Variants in AGBL1 observed in about 807,000 individuals in gnomAD.
AGBL1 encodes AGBL carboxypeptidase 1.
Under a neutral mutation model 118.9 loss-of-function variants are expected in AGBL1, and 130 were observed. The observed-to-expected ratio is 1.09, with a 90% CI of 0.95 to 1.26. The LOEUF is 1.26. AGBL1 is among the 50% of genes most tolerant of loss of function. The probability of loss-of-function intolerance (pLI) is 0.00; values close to 1 mark genes in which losing one functional copy is unlikely to be tolerated. For synonymous variants in AGBL1, 555 were observed against 478.9 expected (o/e 1.16, Z -2.08); for missense variants, 1,584 against 1,298.1 (o/e 1.22, Z -3.38).
chr15:86,366,417 T>C (rs552705491), intron 17 of AGBL1, among the ~76,000 whole-genome samples: 20 of 152,298 alleles, frequency 1.3e-4, no homozygotes, highest in Admixed American at 8.5e-4. Flanking sequence ...GCTGATCCTA[T>C]TTTTAATCCT....
chr15:86,872,743 G>A (rs1361303335), intron 22 of AGBL1, among the ~76,000 whole-genome samples: 3 of 152,176 alleles, frequency 2.0e-5, no homozygotes, highest in Admixed American at 1.3e-4. Context: ...GCGACAGAGT[G>A]AGACTCCGTC....
upstream of AGBL1, chr15:86,079,670 C>A: frequency 3.8e-6 from 1 of 266,182 alleles, no homozygotes; most frequent in East Asian, 6.3e-5. Context: ...TTGCTCTGCT[C>A]CTGCATGGGC....
rs554493471 is a variant in AGBL1 at position 86,464,556 on chromosome 15, G to T, written c.2556-58254G>T. Reference sequence around the variant, plus strand: ...AATGCTTCCAGCTTTTGCCCATTCAGTATGATATTGGCTGTGGGTTTGTCA... The same window carrying T: ...AATGCTTCCAGCTTTTGCCCATTCATTATGATATTGGCTGTGGGTTTGTCA... On this transcript the variant is annotated intron_variant, in intron 18 of 22. Coordinates refer to ENST00000614907, the MANE Select transcript of AGBL1 (RefSeq NM_001386094.1). 3.9e-5 allele frequency among the ~76,000 whole-genome samples: 6 copies of T among 152,266 alleles called. 1 individual carries two copies. The South Asian group carries it at 1.2e-3, about 32-fold the overall frequency.
chr15:86,696,354 A>G (rs1367789952), intron 22 of AGBL1, among the ~76,000 whole-genome samples: 1 of 151,800 alleles, frequency 6.6e-6, no homozygotes, highest in Non-Finnish European at 1.5e-5. Context: ...GTCTTTTTAA[A>G]CTGCTGTTGC....
chr15:86,666,708 C>G (rs2085651264), intron 21 of AGBL1, among the ~76,000 whole-genome samples: 1 of 152,084 alleles, frequency 6.6e-6, no homozygotes, highest in Non-Finnish European at 1.5e-5. Flanking sequence ...ATGCAGTGGA[C>G]CAACTACTGA....
At chr15:86,623,926 C>T (rs1328004117) in intron 21 of AGBL1, among the ~76,000 whole-genome samples, 2 of 152,242 alleles carry the variant, frequency 1.3e-5, no homozygotes, top group Admixed American at 1.3e-4. Flanking sequence ...CAATCTCATT[C>T]TAGTCTGACA....
At chr15:86,871,909 C>T (rs1231400837) in intron 22 of AGBL1, among the ~76,000 whole-genome samples, 1 of 152,212 alleles carries the variant, frequency 6.6e-6, no homozygotes, top group African/African-American at 2.4e-5. Flanking sequence ...TCACTTGACA[C>T]ATTTAGCTTT....
intron 22 of AGBL1, among the ~76,000 whole-genome samples, chr15:86,814,536 C>T (rs1024987485): frequency 6.6e-6 from 1 of 152,180 alleles, no homozygotes; most frequent in Non-Finnish European, 1.5e-5. Context: ...CACAGAAACA[C>T]ATTCTCTGGA....
At chr15:86,635,026 A>G (rs151255964) in intron 21 of AGBL1, among the ~76,000 whole-genome samples, 8 of 152,198 alleles carry the variant, frequency 5.3e-5, no homozygotes, top group Non-Finnish European at 7.4e-5. Context: ...GACATTCTGC[A>G]TAAACAAAAC....
chr15:86,422,034 T>C (rs557679325), intron 18 of AGBL1, among the ~76,000 whole-genome samples: 1 of 151,782 alleles, frequency 6.6e-6, no homozygotes, highest in Middle Eastern at 3.4e-3. Flanking sequence ...CAATATTAGA[T>C]CAACGAGACA....
intron 21 of AGBL1, among the ~76,000 whole-genome samples, chr15:86,661,129 C>T (rs2085530610): frequency 6.6e-6 from 1 of 152,124 alleles, no homozygotes. Context: ...AGTCCTAATG[C>T]AGAGAAGCTA....
At chr15:86,120,685 G>C (rs925169644) in intron 1 of AGBL1, among the ~76,000 whole-genome samples, 3 of 152,030 alleles carry the variant, frequency 2.0e-5, no homozygotes, top group Admixed American at 6.6e-5. Context: ...CAGAACTCTT[G>C]GCACATTTTT....
chr15:86,423,765 G>C lies in AGBL1; in HGVS notation c.2555+26219G>C, dbSNP rs533453662. Reference sequence around the variant, plus strand: ...TAACAGACAGAGAGCCAAATCATAAGTGAACTCCCATTCCCAATTGCTACA... The same window carrying C: ...TAACAGACAGAGAGCCAAATCATAACTGAACTCCCATTCCCAATTGCTACA... On this transcript the variant is annotated intron_variant, in intron 18 of 22. Transcript: ENST00000614907. Among the ~76,000 whole-genome samples the C allele has an allele frequency of 1.1e-4, 16 of 152,274 alleles. No homozygotes were observed. In the East Asian group the frequency reaches 2.9e-3, roughly 28 times the overall value.
At chr15:86,251,920 A>T (rs2078822358) in intron 7 of AGBL1, among the ~76,000 whole-genome samples, 1 of 152,212 alleles carries the variant, frequency 6.6e-6, no homozygotes, top group South Asian at 2.1e-4. Context: ...CCTATATAAG[A>T]TAATCAGAGA....
At position 86,113,137 on chromosome 15, in the gene AGBL1, C is replaced by T. The variant is rs16948416; in HGVS notation, c.52-28867C>T. 4.3e-3 allele frequency among the ~76,000 whole-genome samples: 650 copies of T among 152,278 alleles called. 2 individuals are homozygous for T. The highest frequency in any genetic ancestry group is 0.015 in the African/African-American group (627 of 41,578). On this transcript the variant is annotated intron_variant, in intron 1 of 22. Coordinates refer to ENST00000614907, the MANE Select transcript of AGBL1 (RefSeq NM_001386094.1). ...TTAGCTTTCCTGCTTCAGCTCCTAG[C>T]TGTTACCTCAGAGTTGGCTCTCAGC...
chr15:86,498,773 A>G (rs1179896788), intron 18 of AGBL1, among the ~76,000 whole-genome samples: 1 of 151,918 alleles, frequency 6.6e-6, no homozygotes, highest in Non-Finnish European at 1.5e-5. Flanking sequence ...CATATTTGAC[A>G]TTTTATATAA....
At chr15:86,495,456 A>T (rs1596189027) in intron 18 of AGBL1, among the ~76,000 whole-genome samples, 1 of 151,216 alleles carries the variant, frequency 6.6e-6, no homozygotes, top group African/African-American at 2.4e-5. Flanking sequence ...AAATTTGATT[A>T]AAAAACCTTA....
chr15:86,370,925 T>A (rs189172316), intron 17 of AGBL1, among the ~76,000 whole-genome samples: 1 of 152,310 alleles, frequency 6.6e-6, no homozygotes, highest in East Asian at 1.9e-4. Flanking sequence ...TGCCTCTGCA[T>A]GTGAAGCATG....
rs559268131 is a variant in AGBL1 at position 86,399,804 on chromosome 15, C to G, written c.2555+2258C>G. 7.9e-5 allele frequency among the ~76,000 whole-genome samples: 12 copies of G among 152,306 alleles called. No individual in the cohort carries two copies. In the South Asian group the frequency reaches 2.5e-3, roughly 32 times the overall value. On this transcript the variant is annotated intron_variant, in intron 18 of 22. Transcript: ENST00000614907. The stretch of plus-strand genomic sequence containing the variant: ...TTCCCAAATGGCAGGCCAGCTTCTC[C>G]TTAGTGACACTGGCATTTATCATCA...
Sources: gnomAD v4.1 joint callset for allele counts (sites outside exome capture counted in the v4.1 genomes callset) on GRCh38, gnomAD v4.1.1 for gene constraint, MANE v1.5 for transcripts, NCBI Gene and HGNC (gene_info 2026-07-23, HGNC 2026-07-21) for gene names.